CEP89: variants seen among roughly 807,000 people sequenced by gnomAD.
CEP89 encodes the protein centrosomal protein of 89 kDa.
A neutral mutation model predicts 97.6 loss-of-function variants in CEP89; 95 were observed. The ratio of observed to expected loss-of-function variants is 0.97; its 90% CI spans 0.82 to 1.15. The LOEUF (loss-of-function observed/expected upper bound fraction) is 1.15, where lower values mean the gene tolerates loss of function less well. CEP89 is among the 50% of genes most tolerant of loss of function. The pLI is 0.00. For synonymous variants in CEP89, 354 were observed against 349.1 expected, an observed-to-expected ratio of 1.01 and a Z score of -0.16; for missense variants, 869 against 947.7, an observed-to-expected ratio of 0.92 and a Z score of 1.09.
At chr19:32,924,889 GCT>G (rs1045003677) in intron 11 of CEP89, among the ~76,000 whole-genome samples, 1 of 152,172 alleles carries the variant, frequency 6.6e-6, no homozygotes, top group Non-Finnish European at 1.5e-5. Context: ...AGCCTAAAGT[GCT>G]TATTAACTGG....
At position 32,887,785 on chromosome 19, in the gene CEP89, G is replaced by C; in HGVS notation, c.1932C>G (p.Asn644Lys). 1 of 1,613,338 alleles carries C rather than the reference G, an allele frequency of 6.2e-7. No homozygotes were observed. Among genetic ancestry groups the C allele is most frequent in the Non-Finnish European group, 8.5e-7 (1 of 1,179,286 alleles). The change falls in exon 17 of 19, where the codon AAC becomes AAG. Residue 644 changes from asparagine (N) to lysine (K), a missense_variant. Coordinates refer to ENST00000305768, the MANE Select transcript of CEP89 (RefSeq NM_032816.5). ...TTTCCTCTAACTTTCCCAGGCGAAT[G>C]TTGCTTTTTATGACTTTATTAAGCA... ...DGVLNKVIKS[N>K]IRLGKLEEKV...
At chr19:32,932,614 A>G (rs560460059) in intron 8 of CEP89, among the ~76,000 whole-genome samples, 6 of 152,090 alleles carry the variant, frequency 3.9e-5, no homozygotes, top group Non-Finnish European at 8.8e-5. Flanking sequence ...GTTCCTGCAA[A>G]TCAATAAAAA....
At chr19:32,956,736 A>G (rs1369760919) in intron 3 of CEP89, among the ~76,000 whole-genome samples, 1 of 152,104 alleles carries the variant, frequency 6.6e-6, no homozygotes, top group Non-Finnish European at 1.5e-5. Flanking sequence ...TTTACTATAA[A>G]TGTTTTTTCT....
At chr19:32,944,281 G>A (rs376264198) in intron 5 of CEP89, among the ~76,000 whole-genome samples, 1 of 149,236 alleles carries the variant, frequency 6.7e-6, no homozygotes, top group African/African-American at 2.5e-5. Flanking sequence ...AAGTCAAATG[G>A]TTACATGGCA....
At chr19:32,925,613 T>G (rs10416872) in intron 11 of CEP89, among the ~76,000 whole-genome samples, 3 of 150,934 alleles carry the variant, frequency 2.0e-5, no homozygotes, top group Non-Finnish European at 1.5e-5. Flanking sequence ...CTCAGCCTCC[T>G]GAGTAGCTGG....
At chr19:32,905,953 G>A (rs563186021) in intron 14 of CEP89, among the ~76,000 whole-genome samples, 20 of 152,266 alleles carry the variant, frequency 1.3e-4, no homozygotes, top group South Asian at 1.0e-3. Flanking sequence ...CCTCTGGACT[G>A]AGCCACCATG....
chr19:32,930,283 C>T (rs926117537), intron 9 of CEP89, among the ~76,000 whole-genome samples: 2 of 152,084 alleles, frequency 1.3e-5, no homozygotes, highest in South Asian at 2.1e-4. Context: ...CCACCTCAGC[C>T]TCCCAAAGTG....
At position 32,881,997 on chromosome 19, in the gene CEP89, G is replaced by C. The variant is rs1459399020; in HGVS notation, c.1982C>G (p.Ala661Gly). 1 of 1,575,716 alleles carries C rather than the reference G, an allele frequency of 6.3e-7. No homozygotes were observed. Among genetic ancestry groups the C allele is most frequent in the South Asian group, 1.2e-5 (1 of 86,392 alleles). ...EEKVKGYKKQ[A>G]ALKLGDISHR... ...ACTGATGTCCCCCAGCTTCAGTGCT[G>C]CCTGCTTCTTGTAGCCCTGGTCGGG... Residue 661 changes from alanine to glycine, a missense_variant, in exon 18 of 19, where the codon GCA becomes GGA. Physicochemically the swap from Ala to Gly is moderately conservative, Grantham distance 60. Transcript: ENST00000305768.
At chr19:32,919,955 A>G (rs1249111037) in intron 12 of CEP89, among the ~76,000 whole-genome samples, 1 of 151,832 alleles carries the variant, frequency 6.6e-6, no homozygotes, top group Non-Finnish European at 1.5e-5. Flanking sequence ...CGCATTTTGG[A>G]CTAATTTATA....
At chr19:32,882,278 C>A (rs1969300140) in intron 17 of CEP89, among the ~76,000 whole-genome samples, 1 of 152,120 alleles carries the variant, frequency 6.6e-6, no homozygotes, top group Non-Finnish European at 1.5e-5. Context: ...CATAAAATAT[C>A]ACCATTGGAA....
chr19:32,925,956 C>T (rs192735937), intron 11 of CEP89, among the ~76,000 whole-genome samples: 2 of 152,172 alleles, frequency 1.3e-5, no homozygotes, highest in East Asian at 1.9e-4. Flanking sequence ...CCTCTCCCCT[C>T]GCTCCCTATC....
intron 8 of CEP89, among the ~76,000 whole-genome samples, chr19:32,933,133 CTT>C (rs1970510268): frequency 6.6e-6 from 1 of 152,008 alleles, no homozygotes; most frequent in South Asian, 2.1e-4. Flanking sequence ...AAAGGAGGAG[CTT>C]TTTTATGCTT....
intron 12 of CEP89, among the ~76,000 whole-genome samples, chr19:32,918,929 G>A (rs896538335): frequency 7.2e-6 from 1 of 139,730 alleles, no homozygotes; most frequent in African/African-American, 2.7e-5. Context: ...CTGTTGCCCA[G>A]GCTGGAGTGC....
At chr19:32,967,488 A>G (rs1340031809) in intron 1 of CEP89, among the ~76,000 whole-genome samples, 3 of 148,764 alleles carry the variant, frequency 2.0e-5, no homozygotes, top group African/African-American at 7.4e-5. Context: ...AGCCGGGAGA[A>G]AGGCTCTCAC....
Position 32,923,424 on chromosome 19 carries a change from C to T in CEP89, c.1268+15G>A, listed in dbSNP as rs752837794. ...TTTTAAATTAGCAAAAGAGCAGAAA[C>T]ACAATGCCACTTGCCATTCCTCACT... is the stretch of plus-strand genomic sequence containing the variant. On this transcript the variant is annotated intron_variant, in intron 12 of 18. Coordinates refer to ENST00000305768, the MANE Select transcript of CEP89 (RefSeq NM_032816.5). 9 of 1,369,568 alleles carry T rather than the reference C, an allele frequency of 6.6e-6. No individual in the cohort carries two copies. The African/African-American group carries it at 1.3e-4, about 20-fold the overall frequency. The allele number at this position is 1,369,568 out of a possible 1,614,324, so 84.8% of individuals were successfully genotyped here.
Position 32,886,308 on chromosome 19 carries a change from G to A in CEP89, c.1965+1444C>T, listed in dbSNP as rs535464766. Among the ~76,000 whole-genome samples the A allele has an allele frequency of 3.9e-5, 6 of 152,250 alleles. No individual in the cohort carries two copies. The South Asian group carries it at 1.2e-3, about 32-fold the overall frequency. On this transcript the variant is annotated intron_variant, in intron 17 of 18. Coordinates refer to ENST00000305768, the MANE Select transcript of CEP89 (RefSeq NM_032816.5). ...CTGAATTCCTCTGGAATGAGAGGAGGTTCCTGGGAGGGTGGGAGCGACAGT... is the reference window on the plus strand; with the variant it reads ...CTGAATTCCTCTGGAATGAGAGGAGATTCCTGGGAGGGTGGGAGCGACAGT...
At chr19:32,926,892 AC>A in intron 10 of CEP89, 41 bp downstream of exon 10, 2 of 1,577,050 alleles carry the variant, frequency 1.3e-6, no homozygotes, top group Non-Finnish European at 1.7e-6. Flanking sequence ...ATGCAAATAT[AC>A]CCTGAAAATA....
chr19:32,882,450 C>A (rs1969304423), intron 17 of CEP89, among the ~76,000 whole-genome samples: 1 of 151,638 alleles, frequency 6.6e-6, no homozygotes, highest in Non-Finnish European at 1.5e-5. Flanking sequence ...GTAGTCCCAG[C>A]TACTTGTGAG....
intron 12 of CEP89, among the ~76,000 whole-genome samples, chr19:32,919,359 A>G (rs1207121123): frequency 6.6e-6 from 1 of 152,204 alleles, no homozygotes; most frequent in East Asian, 1.9e-4. Flanking sequence ...CTGACCACCC[A>G]AAGTACACTG....
Sources: allele counts gnomAD v4.1 joint callset (sites outside exome capture counted in the v4.1 genomes callset), GRCh38; gene constraint gnomAD v4.1.1; transcripts MANE v1.5; gene names NCBI Gene and HGNC (gene_info 2026-07-23, HGNC 2026-07-21).